SMAP1: variants seen among roughly 807,000 people sequenced by gnomAD.
SMAP1 encodes the protein stromal membrane-associated protein 1.
In SMAP1, 24 loss-of-function variants were observed where a neutral mutation model predicts 58.5. The observed-to-expected ratio is 0.41, with a 90% CI of 0.30 to 0.58. The LOEUF is 0.58. Among genes scored for constraint, SMAP1 ranks in the 20% least tolerant of loss-of-function variants. The pLI is 0.29. For missense variants in SMAP1, 563 were observed against 566.3 expected, an observed-to-expected ratio of 0.99 and a Z score of 0.06; for synonymous variants, 216 against 196.6, an observed-to-expected ratio of 1.10 and a Z score of -0.82.
intron 4 of SMAP1, among the ~76,000 whole-genome samples, chr6:70,783,930 C>T (rs1170369900): frequency 6.6e-6 from 1 of 152,186 alleles, no homozygotes; most frequent in Non-Finnish European, 1.5e-5. Flanking sequence ...GGCCAACATT[C>T]AGATTCAGGA....
At chr6:70,678,282 A>G (rs1237603615) in intron 1 of SMAP1, among the ~76,000 whole-genome samples, 3 of 152,350 alleles carry the variant, frequency 2.0e-5, no homozygotes, top group Middle Eastern at 3.4e-3. Flanking sequence ...GATCTTTTAT[A>G]AAGCGTGCCT....
chr6:70,721,092 A>T (rs894470440), intron 1 of SMAP1, among the ~76,000 whole-genome samples: 1 of 152,148 alleles, frequency 6.6e-6, no homozygotes, highest in African/African-American at 2.4e-5. Flanking sequence ...TACTTATGCA[A>T]ATTTCTGCAG....
chr6:70,684,795 C>T (rs576252164), intron 1 of SMAP1, among the ~76,000 whole-genome samples: 1 of 152,246 alleles, frequency 6.6e-6, no homozygotes, highest in East Asian at 1.9e-4. Flanking sequence ...TATTCTTCCT[C>T]CAGTTGTCTG....
At chr6:70,699,439 T>C (rs1222237297) in intron 1 of SMAP1, among the ~76,000 whole-genome samples, 2 of 152,164 alleles carry the variant, frequency 1.3e-5, no homozygotes, top group Non-Finnish European at 2.9e-5. Flanking sequence ...CCAAGAGCTC[T>C]TCAGTCAGCA....
intron 1 of SMAP1, among the ~76,000 whole-genome samples, chr6:70,708,811 T>G (rs974408435): frequency 1.3e-5 from 2 of 152,118 alleles, no homozygotes; most frequent in African/African-American, 4.8e-5. Flanking sequence ...TAAGTAAGTG[T>G]TTTTTTGGTT....
chr6:70,712,797 C>CTT (rs576020234), intron 1 of SMAP1, among the ~76,000 whole-genome samples: 17 of 123,546 alleles, frequency 1.4e-4, no homozygotes, highest in Admixed American at 1.6e-4. Flanking sequence ...TTTTTCTTTT[C>CTT]TTTTTTTTTT....
intron 6 of SMAP1, among the ~76,000 whole-genome samples, chr6:70,802,778 C>T (rs1367656933): frequency 6.6e-6 from 1 of 152,020 alleles, no homozygotes; most frequent in East Asian, 1.9e-4. Context: ...TGGTTTTTGT[C>T]TTTGGTTCTG....
intron 2 of SMAP1, chr6:70,734,469 T>G (rs189402762): frequency 6.6e-6 from 1 of 152,306 alleles, no homozygotes; most frequent in Admixed American, 6.5e-5. Context: ...TTTAAAAAAT[T>G]GAGGTAGGAA....
At chr6:70,769,018 C>T (rs1767140051) in intron 3 of SMAP1, among the ~76,000 whole-genome samples, 1 of 152,104 alleles carries the variant, frequency 6.6e-6, no homozygotes, top group African/African-American at 2.4e-5. Context: ...ACCCAGTAGT[C>T]ATTCAGGAGC....
intron 6 of SMAP1, among the ~76,000 whole-genome samples, chr6:70,820,387 T>C (rs540056728): frequency 3.9e-5 from 6 of 152,300 alleles, no homozygotes; most frequent in African/African-American, 7.2e-5. Context: ...TGGTATGCCT[T>C]GATACAGAGA....
Position 70,667,954 on chromosome 6 carries a change from C to T in SMAP1, c.-70C>T, listed in dbSNP as rs1766093525. The T allele has an allele frequency of 7.2e-7, 1 of 1,384,780 alleles. No homozygotes were observed. Among genetic ancestry groups the T allele is most frequent in the South Asian group, 1.3e-5 (1 of 77,770 alleles). 85.8% of individuals were successfully genotyped at this position (1,384,780 alleles called of 1,614,324 possible). ...CGGTCCCGGCGGCGCCAGGTGCGTT[C>T]ACTCTGCCCGGCTCCAGCCAGCGTC... On this transcript the variant is annotated 5_prime_UTR_variant, in exon 1 of 11. Coordinates refer to ENST00000370455, the MANE Select transcript of SMAP1 (RefSeq NM_001044305.3).
intron 9 of SMAP1, 133 bp downstream of exon 9, chr6:70,857,163 A>G (rs1012962204): frequency 5.9e-6 from 5 of 846,044 alleles, no homozygotes; most frequent in East Asian, 5.8e-5. Context: ...TTATACAACT[A>G]TGAAGCCGAA....
At position 70,861,379 on chromosome 6, in the gene SMAP1, G is replaced by C. The variant is rs1562210570; in HGVS notation, c.*1045G>C. 1 of 353,972 alleles carries C rather than the reference G, an allele frequency of 2.8e-6. No individual in the cohort carries two copies. The highest frequency in any genetic ancestry group is 4.9e-5 in the East Asian group (1 of 20,432). 21.9% of individuals were successfully genotyped at this position (353,972 alleles called of 1,614,324 possible). ...AAAGAAAAAATATATACTCAAGAGT[G>C]GTATCTTGCAGTATCGGCACTGTAC... On this transcript the variant is annotated 3_prime_UTR_variant, in exon 11 of 11. Coordinates refer to ENST00000370455, the MANE Select transcript of SMAP1 (RefSeq NM_001044305.3).
intron 7 of SMAP1, among the ~76,000 whole-genome samples, chr6:70,851,195 CTT>C (rs1236867124): frequency 6.6e-6 from 1 of 152,110 alleles, no homozygotes; most frequent in African/African-American, 2.4e-5. Context: ...TTTACACACT[CTT>C]TTGTAAATTA....
chr6:70,783,762 A>C (rs894153118), intron 4 of SMAP1, among the ~76,000 whole-genome samples: 30 of 152,190 alleles, frequency 2.0e-4, no homozygotes, highest in Non-Finnish European at 3.5e-4. Flanking sequence ...AAAAAGAATA[A>C]AAAGAAACGA....
intron 1 of SMAP1, among the ~76,000 whole-genome samples, chr6:70,670,950 T>G (rs1770917663): frequency 6.6e-6 from 1 of 152,240 alleles, no homozygotes; most frequent in Non-Finnish European, 1.5e-5. Flanking sequence ...CTGCTCTTGA[T>G]CCTGCTCTTA....
intron 1 of SMAP1, among the ~76,000 whole-genome samples, chr6:70,682,813 C>T (rs940604544): frequency 6.6e-6 from 1 of 152,020 alleles, no homozygotes; most frequent in South Asian, 2.1e-4. Flanking sequence ...CGAGGTAGGC[C>T]GATCACTTGA....
chr6:70,712,905 C>T lies in SMAP1; in HGVS notation c.119-19473C>T, dbSNP rs186551097. Among the ~76,000 whole-genome samples the T allele has an allele frequency of 4.5e-3, 679 of 150,646 alleles. 5 individuals are homozygous for T. Among genetic ancestry groups the T allele is most frequent in the African/African-American group, 0.014 (593 of 40,996 alleles). ...GCCTTCCGGGTTCAAGTGATTCTTT[C>T]CTCAGCCTCCTGAGTAGCTGAGATT... On this transcript the variant is annotated intron_variant, in intron 1 of 10. Transcript: ENST00000370455.
intron 6 of SMAP1, among the ~76,000 whole-genome samples, chr6:70,805,376 C>G (rs12195774): frequency 0.44 from 66,911 of 151,944 alleles, 15,029 homozygotes; most frequent in South Asian, 0.5. Flanking sequence ...CTTCTCTACA[C>G]TGTTTATTCT....
Sources: allele counts gnomAD v4.1 joint callset (sites outside exome capture counted in the v4.1 genomes callset), GRCh38; gene constraint gnomAD v4.1.1; transcripts MANE v1.5; gene names NCBI Gene and HGNC (gene_info 2026-07-23, HGNC 2026-07-21).